ZNF207: variants seen among roughly 807,000 people sequenced by gnomAD.
ZNF207 encodes BUB3-interacting and GLEBS motif-containing protein ZNF207.
Under a neutral mutation model 60.2 loss-of-function variants are expected in ZNF207, and 24 were observed. The observed-to-expected ratio is 0.40, with a 90% confidence interval of 0.29 to 0.56. The LOEUF (loss-of-function observed/expected upper bound fraction) is 0.56. Among genes scored for constraint, ZNF207 ranks in the 20% least tolerant of loss-of-function variants. ZNF207 has a pLI of 0.49. For synonymous variants in ZNF207, 236 were observed against 194.7 expected (o/e 1.21, Z -1.77); for missense variants, 452 against 636.6 (o/e 0.71, Z 3.12).
Position 32,352,362 on chromosome 17 carries a change from TA to T in ZNF207, c.168+458del, listed in dbSNP as rs531415065. 1.1e-3 allele frequency among the ~76,000 whole-genome samples: 160 copies of T among 151,652 alleles called. 1 individual carries two copies. In the South Asian group the frequency reaches 0.027, roughly 25 times the overall value. On this transcript the variant is annotated intron_variant, in intron 2 of 11. Coordinates refer to ENST00000394670, the MANE Select transcript of ZNF207 (RefSeq NM_001098507.2). ...AAAAGATAAGATAGCCAATCAGCATTAAAAAAAACAAAAAATTTGTTCGATA... is the reference window on the plus strand; with the variant it reads ...AAAAGATAAGATAGCCAATCAGCATTAAAAAAACAAAAAATTTGTTCGATA...
chr17:32,350,473 G>A, intron 1 of ZNF207, 147 bp downstream of exon 1: 1 of 1,042,064 alleles, frequency 9.6e-7, no homozygotes, highest in Non-Finnish European at 1.5e-6. Flanking sequence ...TTGGACTTGG[G>A]AAGGCTTCTA....
chr17:32,368,222 C>T (rs1347449030), intron 10 of ZNF207: 9 of 633,528 alleles, frequency 1.4e-5, no homozygotes, highest in Non-Finnish European at 2.4e-5. Context: ...GATGGTTTCT[C>T]TCCCCTTCCT....
chr17:32,351,493 T>C (rs1476049010), intron 1 of ZNF207: 1 of 1,481,828 alleles, frequency 6.7e-7, no homozygotes, highest in Non-Finnish European at 8.9e-7. Context: ...GAAATATTTA[T>C]AACAAAAGTT....
At chr17:32,354,700 G>A (rs967419743) in intron 2 of ZNF207, among the ~76,000 whole-genome samples, 3 of 151,984 alleles carry the variant, frequency 2.0e-5, no homozygotes, top group Admixed American at 6.6e-5. Context: ...CGCAGCCTCT[G>A]CCCTCCGGGT....
intron 9 of ZNF207, 144 bp downstream of exon 9, chr17:32,366,901 T>C (rs1905187183): frequency 1.4e-6 from 1 of 695,876 alleles, no homozygotes; most frequent in Non-Finnish European, 2.2e-6. Context: ...AGTCAAATGG[T>C]ATTTAAAAAT....
At chr17:32,361,008 G>T (rs772355669) in intron 5 of ZNF207, 41 bp downstream of exon 5, 4 of 1,590,626 alleles carry the variant, frequency 2.5e-6, no homozygotes, top group Non-Finnish European at 3.4e-6. Context: ...CTTGTGCCTA[G>T]TAATGATCTT....
At chr17:32,352,222 G>T (rs2041521333) in intron 2 of ZNF207, among the ~76,000 whole-genome samples, 1 of 152,036 alleles carries the variant, frequency 6.6e-6, no homozygotes, top group Non-Finnish European at 1.5e-5. Flanking sequence ...CACCCACCTG[G>T]GCCTCCCAGA....
At position 32,367,950 on chromosome 17, in the gene ZNF207, C is replaced by T. The variant is rs1905278898; in HGVS notation, c.1100C>T (p.Pro367Leu). The T allele has an allele frequency of 1.2e-6, 2 of 1,614,174 alleles. No homozygotes were observed. The highest frequency in any genetic ancestry group is 1.7e-6 in the Non-Finnish European group (2 of 1,180,032). ...AKPAASITSK[P>L]ATLTTTSATS... ...CCAGCGGCTTCAATAACAAGTAAGC[C>T]TGCTACACTTACAACAACTAGTGCA... The change falls in exon 10 of 12, where the codon CCT becomes CTT. Residue 367 changes from proline to leucine, a missense_variant. Transcript: ENST00000394670.
rs1905745656 is a variant in ZNF207, at chr17:32,378,215, G to A, written c.*8456G>A. ...ATCTCCTTGTGGTTCAACCTAAGTA[G>A]ATACATTGTACATAAAAGGAAAAGA... On this transcript the variant is annotated 3_prime_UTR_variant, in exon 12 of 12. Coordinates refer to ENST00000394670, the MANE Select transcript of ZNF207 (RefSeq NM_001098507.2). 1 of 152,008 alleles carries A rather than the reference G, an allele frequency of 6.6e-6. No individual in the cohort carries two copies. Among genetic ancestry groups the A allele is most frequent in the Non-Finnish European group, 1.5e-5 (1 of 67,920 alleles). The allele number at this position is 152,008 out of a possible 1,614,324, so 9.4% of individuals were successfully genotyped here. A position where few individuals can be genotyped will look rare whatever the true frequency, so the allele number is the denominator to read the frequency against.
At chr17:32,367,280 T>A (rs1202055934) in intron 9 of ZNF207, among the ~76,000 whole-genome samples, 1 of 101,752 alleles carries the variant, frequency 9.8e-6, no homozygotes, top group African/African-American at 5.1e-5. Context: ...TATATATATA[T>A]ATATAAAGAA....
In ZNF207 at chr17:32,350,468, C is replaced by T. The variant is rs1597747010; in HGVS notation, c.41+142C>T. ...GGGTGGCCTGGTGGCTGGGATTGGA[C>T]TTGGGAAGGCTTCTAGGAAAATGGG... On this transcript the variant is annotated intron_variant, in intron 1 of 11. Coordinates refer to ENST00000394670, the MANE Select transcript of ZNF207 (RefSeq NM_001098507.2). 19 of 1,054,840 alleles carry T rather than the reference C, an allele frequency of 1.8e-5. No homozygotes were observed. The East Asian group carries it at 3.4e-4, about 19-fold the overall frequency. The allele number at this position is 1,054,840 out of a possible 1,614,324, so 65.3% of individuals were successfully genotyped here. A position where few individuals can be genotyped will look rare whatever the true frequency, so the allele number is the denominator to read the frequency against.
intron 10 of ZNF207, chr17:32,369,019 G>T (rs907314606): frequency 3.1e-6 from 1 of 321,704 alleles, no homozygotes; most frequent in Non-Finnish European, 5.7e-6. Context: ...AAAAAAGAAT[G>T]TTAATAACAA....
At chr17:32,365,263 T>C (rs1228048619) in intron 7 of ZNF207, 67 bp from the exon 8 acceptor site, 7 of 1,535,324 alleles carry the variant, frequency 4.6e-6, no homozygotes, top group South Asian at 1.2e-5. Context: ...CTTTGTAGTA[T>C]AGAAGCGTTT....
At chr17:32,356,998 A>G (rs574155498) in intron 2 of ZNF207, among the ~76,000 whole-genome samples, 1 of 152,108 alleles carries the variant, frequency 6.6e-6, no homozygotes, top group Non-Finnish European at 1.5e-5. Flanking sequence ...CCTGGGGAAC[A>G]TAACAAAACT....
Position 32,361,195 on chromosome 17 carries a change from C to G in ZNF207, c.551+228C>G, listed in dbSNP as rs531752830. Reference sequence around the variant, plus strand: ...GGTATATGTAAGCAACCATCTACTTCAATTGCATTTACTGTGATTAAAGTA... The same window carrying G: ...GGTATATGTAAGCAACCATCTACTTGAATTGCATTTACTGTGATTAAAGTA... On this transcript the variant is annotated intron_variant, in intron 5 of 11. Coordinates refer to ENST00000394670, the MANE Select transcript of ZNF207 (RefSeq NM_001098507.2). 181 of 589,664 alleles carry G rather than the reference C, an allele frequency of 3.1e-4. No individual in the cohort carries two copies. In the African/African-American group the frequency reaches 3.2e-3, roughly 10 times the overall value. The allele number at this position is 589,664 out of a possible 1,614,324, so 36.5% of individuals were successfully genotyped here. A position where few individuals can be genotyped will look rare whatever the true frequency, so the allele number is the denominator to read the frequency against.
At chr17:32,353,746 CAG>C (rs1455384000) in intron 2 of ZNF207, among the ~76,000 whole-genome samples, 1 of 142,490 alleles carries the variant, frequency 7.0e-6, no homozygotes, top group African/African-American at 2.7e-5. Flanking sequence ...ACCCGGGAGG[CAG>C]AGTTTGCGGT....
intron 9 of ZNF207, among the ~76,000 whole-genome samples, chr17:32,367,282 T>TGTATATATATATATATATATATATAA (rs1905240469): frequency 1.2e-5 from 1 of 82,860 alleles, no homozygotes; most frequent in Non-Finnish European, 2.2e-5. Context: ...TATATATATA[T>TGTATATATATATATATATATATATAA]ATAAAGAATA....
At position 32,367,883 on chromosome 17, in the gene ZNF207, A is replaced by G; in HGVS notation, c.1033A>G (p.Thr345Ala). ...TACATTCCCTGCTTATACACAGTCT[A>G]CAGCTTCAACAACTAGTACAACAAA... The part of the protein sequence containing the change: ...KPTFPAYTQS[T>A]ASTTSTTNST... Residue 345 changes from threonine to alanine, a missense_variant, in exon 10 of 12, where the codon ACA becomes GCA. Thr to Ala is a moderately conservative substitution (Grantham distance 58). This residue lies in a region of ZNF207 where 390 missense variants were observed against 461.4 expected (regional missense o/e 0.85). Coordinates refer to ENST00000394670, the MANE Select transcript of ZNF207 (RefSeq NM_001098507.2). 1 of 1,614,186 alleles carries G rather than the reference A, an allele frequency of 6.2e-7. No homozygotes were observed. Among genetic ancestry groups the G allele is most frequent in the Non-Finnish European group, 8.5e-7 (1 of 1,180,030 alleles).
intron 3 of ZNF207, among the ~76,000 whole-genome samples, chr17:32,359,210 T>G (rs946980307): frequency 2.6e-5 from 4 of 152,164 alleles, no homozygotes; most frequent in Admixed American, 1.3e-4. Context: ...CTTCCCAGGT[T>G]CAAGCAATTC....
Sources: gnomAD v4.1 joint callset for allele counts (sites outside exome capture counted in the v4.1 genomes callset) on GRCh38, gnomAD v4.1.1 for gene constraint, gnomAD v4.1.1 regional missense constraint, MANE v1.5 for transcripts, NCBI Gene and HGNC (gene_info 2026-07-23, HGNC 2026-07-21) for gene names.